IL1RAPL1: variants seen among roughly 807,000 people sequenced by gnomAD.
IL1RAPL1 encodes interleukin 1 receptor accessory protein like 1, also known as interleukin-1 receptor accessory protein-like 1.
A neutral mutation model predicts 48.4 loss-of-function variants in IL1RAPL1; 3 were observed. That is an observed-to-expected ratio of 0.06 (90% CI 0.03 to 0.16). The LOEUF is 0.16. Ranked by LOEUF, IL1RAPL1 falls within the 10% of genes least tolerant of loss-of-function variation. The pLI is 1.00. For missense variants in IL1RAPL1, 349 were observed against 530.6 expected, an observed-to-expected ratio of 0.66 and a Z score of 3.36; for synonymous variants, 185 against 187.7, an observed-to-expected ratio of 0.99 and a Z score of 0.12.
chrX:29,884,564 C>G (rs1467480847), intron 6 of IL1RAPL1, among the ~76,000 whole-genome samples: 3 of 111,502 alleles, frequency 2.7e-5, no homozygotes, highest in South Asian at 3.8e-4. Context: ...TCTCCCTACT[C>G]TCATTCCACT....
chrX:29,341,999 G>C (rs1387981669), intron 3 of IL1RAPL1, among the ~76,000 whole-genome samples: 3 of 109,726 alleles, frequency 2.7e-5, no homozygotes, highest in Non-Finnish European at 5.7e-5. Flanking sequence ...ACTAGAGACG[G>C]GGTTTCACCA....
intron 2 of IL1RAPL1, among the ~76,000 whole-genome samples, chrX:29,194,421 T>C (rs1372602976): frequency 8.9e-6 from 1 of 112,672 alleles, no homozygotes; most frequent in Non-Finnish European, 1.9e-5. Flanking sequence ...CTAAAGCAAA[T>C]AGGACCTTGA....
intron 6 of IL1RAPL1, among the ~76,000 whole-genome samples, chrX:29,727,834 C>T (rs1927813874): frequency 9.0e-6 from 1 of 110,922 alleles, no homozygotes. Context: ...GAAATCTAGC[C>T]TCTATTATGC....
At chrX:28,878,416 G>A (rs1922426187) in intron 2 of IL1RAPL1, among the ~76,000 whole-genome samples, 1 of 111,811 alleles carries the variant, frequency 8.9e-6, no homozygotes, top group Admixed American at 9.5e-5. Flanking sequence ...GTAAGTCAAT[G>A]GTCCAGAAGG....
At chrX:29,056,541 T>C (rs1927218336) in intron 2 of IL1RAPL1, among the ~76,000 whole-genome samples, 2 of 112,253 alleles carry the variant, frequency 1.8e-5, no homozygotes, top group South Asian at 3.7e-4. Context: ...TGGCACATTT[T>C]AATAGAATGC....
intron 1 of IL1RAPL1, among the ~76,000 whole-genome samples, chrX:28,771,003 A>G (rs956566343): frequency 1.8e-5 from 2 of 112,111 alleles, no homozygotes; most frequent in Non-Finnish European, 3.8e-5. Flanking sequence ...AGTATTTTAC[A>G]TCACAGAGTA....
chrX:28,597,050 C>A (rs1933963188), intron 1 of IL1RAPL1, among the ~76,000 whole-genome samples: 1 of 110,510 alleles, frequency 9.0e-6, no homozygotes, highest in Non-Finnish European at 1.9e-5. Flanking sequence ...GAGGGGAGAT[C>A]AAAAATATAC....
At chrX:29,497,350 C>T (rs1177050947) in intron 5 of IL1RAPL1, among the ~76,000 whole-genome samples, 2 of 111,232 alleles carry the variant, frequency 1.8e-5, no homozygotes, top group Non-Finnish European at 3.8e-5. Flanking sequence ...CATCTTTAAA[C>T]TATGATTTAA....
chrX:29,227,418 T>C (rs2147554711), intron 2 of IL1RAPL1, among the ~76,000 whole-genome samples: 1 of 111,708 alleles, frequency 9.0e-6, no homozygotes, highest in Non-Finnish European at 1.9e-5. Context: ...AATTTAAGAA[T>C]TCAAACAAAA....
chrX:28,665,683 G>T (rs775200621), intron 1 of IL1RAPL1, among the ~76,000 whole-genome samples: 17 of 110,754 alleles, frequency 1.5e-4, no homozygotes, highest in African/African-American at 5.6e-4. Flanking sequence ...TAGAGACAGG[G>T]TTTCACCATG....
intron 3 of IL1RAPL1, 51 bp from the exon 4 acceptor site, chrX:29,396,207 A>G: frequency 9.8e-7 from 1 of 1,020,559 alleles, no homozygotes; most frequent in Non-Finnish European, 1.4e-6. Flanking sequence ...CCTTGGCAGC[A>G]CTTGCTTTTT....
chrX:29,544,967 A>G (rs1921567873), intron 5 of IL1RAPL1, among the ~76,000 whole-genome samples: 1 of 110,530 alleles, frequency 9.0e-6, no homozygotes, highest in African/African-American at 3.3e-5. Flanking sequence ...TACTTGGAGG[A>G]AGCACCAGGA....
At chrX:29,059,998 T>G (rs1245993876) in intron 2 of IL1RAPL1, among the ~76,000 whole-genome samples, 1 of 111,997 alleles carries the variant, frequency 8.9e-6, no homozygotes, top group African/African-American at 3.2e-5. Flanking sequence ...TTGATCATGT[T>G]GTTTTATCTG....
intron 6 of IL1RAPL1, among the ~76,000 whole-genome samples, chrX:29,771,318 C>T (rs143988374): frequency 0.025 from 2,838 of 111,775 alleles, 83 homozygotes; most frequent in African/African-American, 0.087. Flanking sequence ...TAAAAGGTTG[C>T]AGTGAATGAT....
intron 5 of IL1RAPL1, among the ~76,000 whole-genome samples, chrX:29,412,142 G>A (rs998448884): frequency 6.3e-5 from 7 of 110,936 alleles, no homozygotes; most frequent in Admixed American, 1.9e-4. Context: ...GTGGTGGTCC[G>A]CGCCTGTAGT....
chrX:28,836,488 C>A (rs753544072), intron 2 of IL1RAPL1, among the ~76,000 whole-genome samples: 1 of 107,924 alleles, frequency 9.3e-6, no homozygotes, highest in South Asian at 4.0e-4. Context: ...TAACTCACTT[C>A]TCTCTTTGAA....
chrX:29,214,370 T>A (rs1277375770), intron 2 of IL1RAPL1, among the ~76,000 whole-genome samples: 1 of 110,916 alleles, frequency 9.0e-6, no homozygotes, highest in Non-Finnish European at 1.9e-5. Flanking sequence ...TAAACTGATA[T>A]GAAATTGAGG....
At chrX:28,955,976 G>T (rs1473209099) in intron 2 of IL1RAPL1, among the ~76,000 whole-genome samples, 1 of 101,517 alleles carries the variant, frequency 9.9e-6, no homozygotes, top group Non-Finnish European at 2.0e-5. Context: ...CCTTGAAGAG[G>T]TCCTTCACAT....
chrX:29,287,113 C>T lies in IL1RAPL1; in HGVS notation c.362+3896C>T, dbSNP rs755521984. ...TCTACCCAACCCCAATCCCAAACCC[C>T]TGTCAACCACTAATCTATTCTTTAT... On this transcript the variant is annotated intron_variant, in intron 3 of 10. Transcript: ENST00000378993. Among the ~76,000 whole-genome samples the T allele has an allele frequency of 2.7e-5, 3 of 111,406 alleles. No homozygotes were observed. In the South Asian group the frequency reaches 1.1e-3, roughly 43 times the overall value.
Sources: allele counts gnomAD v4.1 joint callset (sites outside exome capture counted in the v4.1 genomes callset), GRCh38; gene constraint gnomAD v4.1.1; transcripts MANE v1.5; gene names NCBI Gene and HGNC (gene_info 2026-07-23, HGNC 2026-07-21).